The following ANGPTL2 variants were observed in gnomAD, a reference collection of about 807,000 sequenced individuals.
ANGPTL2 encodes the protein angiopoietin-related protein 2.
Under a neutral mutation model 52.8 loss-of-function variants are expected in ANGPTL2, and 25 were observed. The ratio of observed to expected loss-of-function variants is 0.47; its 90% CI spans 0.35 to 0.66. The LOEUF (loss-of-function observed/expected upper bound fraction) is 0.66, where lower values mean the gene tolerates loss of function less well. Ranked by LOEUF, ANGPTL2 falls within the 30% of genes least tolerant of loss-of-function variation. ANGPTL2 has a pLI of 0.01. For synonymous variants in ANGPTL2, 276 were observed against 277.4 expected, an observed-to-expected ratio of 1.00 and a Z score of 0.05; for missense variants, 546 against 656.9, an observed-to-expected ratio of 0.83 and a Z score of 1.84.
At chr9:127,102,460 C>G (rs907713523) in intron 2 of ANGPTL2, among the ~76,000 whole-genome samples, 2 of 152,112 alleles carry the variant, frequency 1.3e-5, no homozygotes, top group African/African-American at 4.8e-5. Flanking sequence ...CTAGGGTTTT[C>G]TAGATTTCTT....
At chr9:127,113,772 G>A (rs1281366120) in intron 1 of ANGPTL2, among the ~76,000 whole-genome samples, 2 of 152,236 alleles carry the variant, frequency 1.3e-5, no homozygotes, top group Admixed American at 6.5e-5. Context: ...CTGGGAGGCA[G>A]CCTCTCCAGG....
In ANGPTL2 at chr9:127,095,553, G is replaced by A. The variant is rs141315844; in HGVS notation, c.818-1627C>T. Among the ~76,000 whole-genome samples the A allele has an allele frequency of 1.5e-3, 231 of 152,338 alleles. 1 individual carries two copies. Among genetic ancestry groups the A allele is most frequent in the African/African-American group, 5.0e-3 (208 of 41,582 alleles). ...CTCTGCAGATGCGGTGCTGGGCAGCGGAAGCTCAGGGCAGGGTGGGGCCGC... is the reference window on the plus strand; with the variant it reads ...CTCTGCAGATGCGGTGCTGGGCAGCAGAAGCTCAGGGCAGGGTGGGGCCGC... On this transcript the variant is annotated intron_variant, in intron 2 of 4. Transcript: ENST00000373425.
chr9:127,092,454 T>G (rs2052600815), intron 3 of ANGPTL2, among the ~76,000 whole-genome samples: 2 of 144,224 alleles, frequency 1.4e-5, no homozygotes, highest in Admixed American at 1.3e-4. Flanking sequence ...GTGGTTATTG[T>G]TTTTTTTTGC....
chr9:127,093,494 C>T (rs2052733263), intron 3 of ANGPTL2, among the ~76,000 whole-genome samples: 1 of 152,198 alleles, frequency 6.6e-6, no homozygotes, highest in Non-Finnish European at 1.5e-5. Flanking sequence ...TGACTCTTGT[C>T]CTGCAGCAGT....
At chr9:127,100,021 T>G (rs142078329) in intron 2 of ANGPTL2, among the ~76,000 whole-genome samples, 74 of 152,368 alleles carry the variant, frequency 4.9e-4, no homozygotes, top group African/African-American at 1.7e-3. Flanking sequence ...GTAATTAAAT[T>G]ACTACAAAGT....
At chr9:127,102,270 A>C (rs2053809063) in intron 2 of ANGPTL2, among the ~76,000 whole-genome samples, 1 of 149,208 alleles carries the variant, frequency 6.7e-6, no homozygotes, top group African/African-American at 2.5e-5. Flanking sequence ...ACAGTTATGG[A>C]GGCTGAGAAG....
intron 2 of ANGPTL2, among the ~76,000 whole-genome samples, chr9:127,105,886 C>T (rs1158004802): frequency 2.0e-5 from 3 of 152,208 alleles, no homozygotes; most frequent in African/African-American, 7.2e-5. Context: ...AGTAGGGGCT[C>T]AGCAAATGTT....
At position 127,108,754 on chromosome 9, in the gene ANGPTL2, T is replaced by G. The variant is rs2137123258; in HGVS notation, c.-23A>C. 6.3e-7 allele frequency: 1 copy of G among 1,582,646 alleles called. No individual in the cohort carries two copies. The highest frequency in any genetic ancestry group is 2.3e-5 in the East Asian group (1 of 44,360). The stretch of plus-strand genomic sequence containing the variant: ...CATGGTCCTTGCAAAATGGTGGTTA[T>G]TCTTTGTGAATAGAATCTATGAAAG... On this transcript the variant is annotated 5_prime_UTR_variant, in exon 2 of 5. Transcript: ENST00000373425.
intron 1 of ANGPTL2, among the ~76,000 whole-genome samples, chr9:127,118,996 A>G (rs1188181069): frequency 6.6e-6 from 1 of 152,154 alleles, no homozygotes; most frequent in African/African-American, 2.4e-5. Flanking sequence ...CCAAGTACGG[A>G]TGTAGAAAGC....
chr9:127,090,332 T>C (rs538185183), intron 4 of ANGPTL2, among the ~76,000 whole-genome samples: 3 of 152,372 alleles, frequency 2.0e-5, no homozygotes, highest in East Asian at 3.9e-4. Flanking sequence ...AGCCCCTGTG[T>C]CCCAGGGTCT....
At chr9:127,111,898 A>T (rs1035604681) in intron 1 of ANGPTL2, among the ~76,000 whole-genome samples, 1 of 152,222 alleles carries the variant, frequency 6.6e-6, no homozygotes, top group South Asian at 2.1e-4. Context: ...TTTTACTAGT[A>T]AAAGGGTATT....
intron 2 of ANGPTL2, among the ~76,000 whole-genome samples, chr9:127,098,312 C>T (rs976244079): frequency 1.3e-5 from 2 of 152,210 alleles, no homozygotes; most frequent in Non-Finnish European, 2.9e-5. Flanking sequence ...TAACTTGGCG[C>T]CCCTTCTGAG....
chr9:127,100,581 C>T (rs60313786), intron 2 of ANGPTL2, among the ~76,000 whole-genome samples: 57,578 of 152,072 alleles, frequency 0.38, 12,616 homozygotes, highest in Non-Finnish European at 0.48. Context: ...GGGGCAGTGG[C>T]CAGTTGTACC....
chr9:127,100,758 T>C (rs1038555127), intron 2 of ANGPTL2, among the ~76,000 whole-genome samples: 2 of 152,206 alleles, frequency 1.3e-5, no homozygotes, highest in Non-Finnish European at 2.9e-5. Context: ...TCCACAGATA[T>C]GGACAGGTAG....
Position 127,091,933 on chromosome 9 carries a change from A to C in ANGPTL2, c.1019T>G (p.Phe340Cys). The C allele has an allele frequency of 6.2e-7, 1 of 1,613,764 alleles. No homozygotes were observed. The highest frequency in any genetic ancestry group is 8.5e-7 in the Non-Finnish European group (1 of 1,179,822). ...FRNWETYKQGFGNIDGEYWLG... is the reference protein window; with the variant it reads ...FRNWETYKQGCGNIDGEYWLG... ...CCAGTATTCGCCGTCAATGTTCCCA[A>C]ACCCTTGCTGGGGAAAACCCAGGAG... Residue 340 changes from phenylalanine to cysteine, a missense_variant, in exon 4 of 5, where the codon TTT (phenylalanine) becomes TGT (cysteine). By Grantham distance (205) the Phe-to-Cys change is radical. Transcript: ENST00000373425. The surrounding 1 kb of genome is among the most constrained non-coding windows in gnomAD (Gnocchi z 4.3).
At chr9:127,089,983 G>A (rs531908625) in intron 4 of ANGPTL2, among the ~76,000 whole-genome samples, 1 of 152,334 alleles carries the variant, frequency 6.6e-6, no homozygotes, top group East Asian at 1.9e-4. Context: ...GCCCAACAGA[G>A]CAGGTGGCCG....
intron 1 of ANGPTL2, among the ~76,000 whole-genome samples, chr9:127,109,395 G>A (rs2054578992): frequency 6.6e-6 from 1 of 152,224 alleles, no homozygotes; most frequent in Admixed American, 6.5e-5. Flanking sequence ...CGTTAGACAT[G>A]TTATGGAATA....
intron 2 of ANGPTL2, among the ~76,000 whole-genome samples, chr9:127,105,955 CTG>C (rs1229256183): frequency 1.3e-5 from 2 of 152,228 alleles, no homozygotes; most frequent in Admixed American, 1.3e-4. Flanking sequence ...CAGCATAACA[CTG>C]TGAGGTTATG....
Position 127,091,789 on chromosome 9 carries a change from G to T in ANGPTL2, c.1163C>A (p.Pro388His). 6.2e-7 allele frequency: 1 copy of T among 1,614,154 alleles called. No individual in the cohort carries two copies. The highest frequency in any genetic ancestry group is 1.3e-5 in the African/African-American group (1 of 75,028). ...CCGCAGCTTATAATACTCGCTCTCA[G>T]GTTCCAGGCGGAAACTGGCGTATTC... is the stretch of plus-strand genomic sequence containing the variant. ...FAEYASFRLEPESEYYKLRLG... is the reference protein window; with the variant it reads ...FAEYASFRLEHESEYYKLRLG... Residue 388 changes from proline to histidine, a missense_variant, in exon 4 of 5, where the codon CCT becomes CAT. This residue lies in a region of ANGPTL2 where 261 missense variants were observed against 361.0 expected (regional missense o/e 0.72). Transcript: ENST00000373425. The surrounding 1 kb of genome is among the most constrained non-coding windows in gnomAD (Gnocchi z 4.3).
Sources: gnomAD v4.1 joint callset for allele counts (sites outside exome capture counted in the v4.1 genomes callset) on GRCh38, gnomAD v4.1.1 for gene constraint, gnomAD v4.1.1 regional missense constraint, Gnocchi (gnomAD v3.1) non-coding constraint, MANE v1.5 for transcripts, NCBI Gene and HGNC (gene_info 2026-07-23, HGNC 2026-07-21) for gene names.